UTRN: variants seen among roughly 807,000 people sequenced by gnomAD.
UTRN encodes the protein utrophin, also known as dystrophin-related protein 1.
A neutral mutation model predicts 463.9 loss-of-function variants in UTRN; 283 were observed. That is an observed-to-expected ratio of 0.61 (90% CI 0.55 to 0.67). The LOEUF (loss-of-function observed/expected upper bound fraction) is 0.67, where lower values mean the gene tolerates loss of function less well. Ranked by LOEUF, UTRN falls within the 30% of genes least tolerant of loss-of-function variation. The pLI, the probability that UTRN is intolerant of heterozygous loss-of-function variation, is 0.00. For missense variants in UTRN, 3,922 were observed against 4,084.3 expected (o/e 0.96, Z 1.08); for synonymous variants, 1,442 against 1,431.5 (o/e 1.01, Z -0.17).
chr6:144,618,013 C>A (rs1006856473), intron 51 of UTRN, among the ~76,000 whole-genome samples: 1 of 152,132 alleles, frequency 6.6e-6, no homozygotes, highest in Non-Finnish European at 1.5e-5. Flanking sequence ...TATTGTTTCT[C>A]TAAAAGCTTG....
At chr6:144,591,261 C>T (rs562906304) in intron 51 of UTRN, among the ~76,000 whole-genome samples, 27 of 152,216 alleles carry the variant, frequency 1.8e-4, no homozygotes, top group African/African-American at 6.0e-4. Flanking sequence ...CACCCCACTG[C>T]GAAGATGCCA....
In UTRN at chr6:144,644,014, A is replaced by C. The variant is rs561018799; in HGVS notation, c.7480-34392A>C. Among the ~76,000 whole-genome samples, 5 of 152,276 alleles carry C rather than the reference A, an allele frequency of 3.3e-5. No individual in the cohort carries two copies. The South Asian group carries it at 1.0e-3, about 32-fold the overall frequency. The stretch of plus-strand genomic sequence containing the variant: ...AAATCGATGGGAAATTTTTCTTCTT[A>C]ATATTGAATCACGTATGACTAATTT... On this transcript the variant is annotated intron_variant, in intron 51 of 74. Transcript: ENST00000367545.
At chr6:144,314,896 AT>A (rs1247078644) in intron 2 of UTRN, among the ~76,000 whole-genome samples, 1 of 152,090 alleles carries the variant, frequency 6.6e-6, no homozygotes, top group East Asian at 1.9e-4. Flanking sequence ...CATGTATTGC[AT>A]TTGAAGTACT....
At chr6:144,689,774 T>C (rs1378580480) in intron 52 of UTRN, among the ~76,000 whole-genome samples, 1 of 152,000 alleles carries the variant, frequency 6.6e-6, no homozygotes, top group East Asian at 1.9e-4. Context: ...TCACATGCCA[T>C]GTGTAATAGT....
At chr6:144,578,398 A>G (rs946055012) in intron 51 of UTRN, among the ~76,000 whole-genome samples, 2 of 152,094 alleles carry the variant, frequency 1.3e-5, no homozygotes, top group African/African-American at 4.8e-5. Context: ...GTAGTGGTGC[A>G]ATCTCAGCTT....
At chr6:144,616,132 A>G (rs1806063843) in intron 51 of UTRN, among the ~76,000 whole-genome samples, 1 of 152,148 alleles carries the variant, frequency 6.6e-6, no homozygotes, top group African/African-American at 2.4e-5. Context: ...CTAAGGATGT[A>G]CAATGTTTTA....
intron 2 of UTRN, among the ~76,000 whole-genome samples, chr6:144,341,240 A>C (rs1236495861): frequency 1.3e-5 from 2 of 152,250 alleles, no homozygotes; most frequent in Non-Finnish European, 2.9e-5. Context: ...ACATGTTGCA[A>C]GGCCCAAGGC....
intron 2 of UTRN, among the ~76,000 whole-genome samples, chr6:144,306,319 G>A (rs1805732822): frequency 6.6e-6 from 1 of 152,126 alleles, no homozygotes; most frequent in Non-Finnish European, 1.5e-5. Context: ...CAAGCCTGGG[G>A]TTCTGGAGGA....
At chr6:144,379,634 A>G (rs1780740805) in intron 2 of UTRN, among the ~76,000 whole-genome samples, 1 of 152,216 alleles carries the variant, frequency 6.6e-6, no homozygotes, top group Non-Finnish European at 1.5e-5. Context: ...GCCATATTCT[A>G]TTCAGTAGAA....
chr6:144,680,932 T>A lies in UTRN; in HGVS notation c.7652+2354T>A, dbSNP rs560079689. 2.6e-4 allele frequency among the ~76,000 whole-genome samples: 40 copies of A among 152,286 alleles called. No homozygotes were observed. The South Asian group carries it at 7.0e-3, about 27-fold the overall frequency. On this transcript the variant is annotated intron_variant, in intron 52 of 74. Coordinates refer to ENST00000367545, the MANE Select transcript of UTRN (RefSeq NM_007124.3). ...AAAAGACAGAGGTGTAAGAGACAAG[T>A]CATGCACACCTATGTGTAACCAAGC...
At chr6:144,345,656 G>C (rs1777503422) in intron 2 of UTRN, among the ~76,000 whole-genome samples, 1 of 152,178 alleles carries the variant, frequency 6.6e-6, no homozygotes, top group South Asian at 2.1e-4. Context: ...TTGGACAACA[G>C]AGGGATACCT....
At chr6:144,412,145 CT>C (rs1783951101) in intron 3 of UTRN, among the ~76,000 whole-genome samples, 2 of 152,092 alleles carry the variant, frequency 1.3e-5, no homozygotes, top group Non-Finnish European at 2.9e-5. Context: ...TGAGATGAAC[CT>C]AATTTTATCA....
chr6:144,680,279 G>A (rs1334443322), intron 52 of UTRN, among the ~76,000 whole-genome samples: 1 of 152,082 alleles, frequency 6.6e-6, no homozygotes, highest in African/African-American at 2.4e-5. Flanking sequence ...AAAAGTTACA[G>A]ACAAGAAATT....
At chr6:144,713,635 A>G (rs1226140065) in intron 53 of UTRN, among the ~76,000 whole-genome samples, 2 of 148,284 alleles carry the variant, frequency 1.3e-5, no homozygotes, top group Admixed American at 1.3e-4. Flanking sequence ...ATAAATAAAT[A>G]AAAAGCAGGG....
chr6:144,850,322 C>T (rs1782380302), intron 74 of UTRN, among the ~76,000 whole-genome samples: 1 of 152,144 alleles, frequency 6.6e-6, no homozygotes, highest in African/African-American at 2.4e-5. Flanking sequence ...GATGGAATAT[C>T]TTTCCTGAGG....
At chr6:144,689,450 T>TTCATTCTTTTG (rs1246549947) in intron 52 of UTRN, among the ~76,000 whole-genome samples, 2 of 152,234 alleles carry the variant, frequency 1.3e-5, no homozygotes, top group Non-Finnish European at 2.9e-5. Context: ...GCCTGCTGTC[T>TTCATTCTTTTG]TCATTCTTTT....
At chr6:144,744,878 G>A (rs1299574826) in intron 54 of UTRN, among the ~76,000 whole-genome samples, 3 of 152,218 alleles carry the variant, frequency 2.0e-5, no homozygotes, top group African/African-American at 7.2e-5. Context: ...ACCCAGTGGA[G>A]TGGAAATGTC....
intron 39 of UTRN, 72 bp downstream of exon 39, chr6:144,517,020 T>C (rs899244961): frequency 3.7e-5 from 47 of 1,263,442 alleles, no homozygotes; most frequent in Non-Finnish European, 4.7e-5. Context: ...TGTGTGATGC[T>C]GCATCACAGA....
chr6:144,349,304 G>A (rs976749247), intron 2 of UTRN, among the ~76,000 whole-genome samples: 2 of 152,190 alleles, frequency 1.3e-5, no homozygotes, highest in Non-Finnish European at 2.9e-5. Flanking sequence ...CACGGCGCCT[G>A]GCCCTGAGCA....
Sources: allele counts gnomAD v4.1 joint callset (sites outside exome capture counted in the v4.1 genomes callset), GRCh38; gene constraint gnomAD v4.1.1; transcripts MANE v1.5; gene names NCBI Gene and HGNC (gene_info 2026-07-23, HGNC 2026-07-21).